The following DAB1 variants were observed in gnomAD, a reference collection of about 807,000 sequenced individuals.
DAB1 encodes DAB adaptor protein 1.
Under a neutral mutation model 64.6 loss-of-function variants are expected in DAB1, and 15 were observed. The observed-to-expected ratio is 0.23, with a 90% CI of 0.16 to 0.36. DAB1 has a LOEUF of 0.36. DAB1 is among the 10% of genes least tolerant of loss of function. DAB1 has a pLI of 1.00. For synonymous variants in DAB1, 235 were observed against 251.9 expected (o/e 0.93, Z 0.64); for missense variants, 596 against 706.7 (o/e 0.84, Z 1.78).
At chr1:57,692,235 G>A (rs1646772801) in intron 6 of DAB1, among the ~76,000 whole-genome samples, 1 of 152,064 alleles carries the variant, frequency 6.6e-6, no homozygotes, top group Non-Finnish European at 1.5e-5. Context: ...TCTCTTCTCT[G>A]AGGCTAGTCC....
chr1:58,534,258 C>G, intron 1 of DAB1: 1 of 871,442 alleles, frequency 1.1e-6, no homozygotes, highest in Non-Finnish European at 2.0e-6. Context: ...AATTAGATGA[C>G]AAAGCACTTC....
intron 6 of DAB1, among the ~76,000 whole-genome samples, chr1:57,678,808 C>A (rs1646601462): frequency 6.8e-6 from 1 of 146,980 alleles, no homozygotes. Flanking sequence ...GCTCTGTCAC[C>A]CAGGCTGGAG....
intron 6 of DAB1, among the ~76,000 whole-genome samples, chr1:57,807,172 T>G (rs757449354): frequency 1.3e-5 from 2 of 152,222 alleles, no homozygotes; most frequent in African/African-American, 4.8e-5. Flanking sequence ...GTGGACTGTC[T>G]GAAAAATCAC....
chr1:58,375,858 G>A (rs1412746162), intron 3 of DAB1, among the ~76,000 whole-genome samples: 3 of 145,944 alleles, frequency 2.1e-5, no homozygotes, highest in Admixed American at 6.8e-5. Context: ...CACAATTTCA[G>A]CTCCTGTTAT....
chr1:57,550,127 C>CA (rs1159695465), intron 7 of DAB1, among the ~76,000 whole-genome samples: 1 of 152,144 alleles, frequency 6.6e-6, no homozygotes, highest in Non-Finnish European at 1.5e-5. Context: ...AGGATTTGTG[C>CA]ACCTCAGTTT....
chr1:58,311,115 C>G (rs142776849), intron 4 of DAB1, among the ~76,000 whole-genome samples: 19 of 152,226 alleles, frequency 1.2e-4, no homozygotes, highest in African/African-American at 3.8e-4. Context: ...CCTCATCCCC[C>G]ACCCTACATC....
Position 57,305,226 on chromosome 1 carries a change from G to T in DAB1, c.-136-14060C>A, listed in dbSNP as rs1396416541. The stretch of plus-strand genomic sequence containing the variant: ...CCTGAAGGAATGAGAGGAGGGAAAG[G>T]CTACCAGACCAGGAGGGAACCCTGT... On this transcript the variant is annotated intron_variant, in intron 1 of 14. Coordinates refer to ENST00000371236, the MANE Select transcript of DAB1 (RefSeq NM_001365792.1). Among the ~76,000 whole-genome samples, 3 of 152,160 alleles carry T rather than the reference G, an allele frequency of 2.0e-5. No homozygotes were observed. The East Asian group carries it at 5.8e-4, about 29-fold the overall frequency.
At chr1:58,261,834 T>G (rs984408606) in intron 4 of DAB1, among the ~76,000 whole-genome samples, 3 of 152,138 alleles carry the variant, frequency 2.0e-5, no homozygotes, top group African/African-American at 4.8e-5. Context: ...TGGGATTACA[T>G]GCATGAGCCA....
intron 1 of DAB1, among the ~76,000 whole-genome samples, chr1:57,826,705 C>A (rs1652365768): frequency 6.6e-6 from 1 of 152,126 alleles, no homozygotes; most frequent in African/African-American, 2.4e-5. Flanking sequence ...CTGCAGCCAG[C>A]AAGAGAAATA....
intron 1 of DAB1, chr1:57,826,475 T>C (rs1386938193): frequency 6.6e-6 from 1 of 151,964 alleles, no homozygotes; most frequent in African/African-American, 2.4e-5. Flanking sequence ...AACTAGGAAT[T>C]AGCCAAAAGG....
chr1:58,227,846 C>T (rs1259822313), intron 4 of DAB1, among the ~76,000 whole-genome samples: 1 of 152,140 alleles, frequency 6.6e-6, no homozygotes, highest in East Asian at 1.9e-4. Context: ...GCTTGGATGG[C>T]CTGACAAAAC....
intron 1 of DAB1, among the ~76,000 whole-genome samples, chr1:57,388,475 T>G (rs1682070517): frequency 6.6e-6 from 1 of 152,148 alleles, no homozygotes; most frequent in Non-Finnish European, 1.5e-5. Flanking sequence ...CATTAAAATC[T>G]TCGAGGCTCC....
intron 6 of DAB1, among the ~76,000 whole-genome samples, chr1:57,665,318 C>T (rs1646433865): frequency 6.6e-6 from 1 of 151,962 alleles, no homozygotes; most frequent in Non-Finnish European, 1.5e-5. Context: ...ATTAAGTTAG[C>T]ATAGTTTAAA....
chr1:56,998,934 G>C (rs1463356275), intron 14 of DAB1, among the ~76,000 whole-genome samples: 1 of 152,142 alleles, frequency 6.6e-6, no homozygotes, highest in Non-Finnish European at 1.5e-5. Flanking sequence ...ATGGCTCATT[G>C]TGCCTTGGCC....
At chr1:57,221,404 T>TA (rs1416017646) in intron 2 of DAB1, among the ~76,000 whole-genome samples, 113 of 148,382 alleles carry the variant, frequency 7.6e-4, no homozygotes, top group African/African-American at 2.7e-3. Context: ...AATAATAATT[T>TA]TAAAAAAGGC....
chr1:58,491,792 T>A (rs1237107295), intron 3 of DAB1, among the ~76,000 whole-genome samples: 1 of 152,202 alleles, frequency 6.6e-6, no homozygotes, highest in African/African-American at 2.4e-5. Flanking sequence ...ACAAAGTGAC[T>A]TAGACTCCCA....
intron 4 of DAB1, among the ~76,000 whole-genome samples, chr1:58,293,593 A>G (rs1451780916): frequency 6.6e-6 from 1 of 152,164 alleles, no homozygotes; most frequent in Admixed American, 6.5e-5. Context: ...AGAATCTGGC[A>G]TGGGCAGGGT....
At chr1:57,870,561 A>G (rs988347334) in intron 1 of DAB1, among the ~76,000 whole-genome samples, 12 of 152,288 alleles carry the variant, frequency 7.9e-5, no homozygotes, top group Admixed American at 5.9e-4. Flanking sequence ...TATGGGCAGG[A>G]GTAATCAACT....
At chr1:58,330,253 C>T (rs1165771323) in intron 4 of DAB1, among the ~76,000 whole-genome samples, 1 of 152,218 alleles carries the variant, frequency 6.6e-6, no homozygotes, top group Non-Finnish European at 1.5e-5. Context: ...AAGTCAAAGC[C>T]TAATCCAGAG....
Sources: allele counts gnomAD v4.1 joint callset (sites outside exome capture counted in the v4.1 genomes callset), GRCh38; gene constraint gnomAD v4.1.1; transcripts MANE v1.5; gene names NCBI Gene and HGNC (gene_info 2026-07-23, HGNC 2026-07-21).